KCNT2: variants seen among roughly 807,000 people sequenced by gnomAD.
KCNT2 encodes potassium sodium-activated channel subfamily T member 2.
In KCNT2, 67 loss-of-function variants were observed where a neutral mutation model predicts 153.8. The observed-to-expected ratio is 0.44, with a 90% confidence interval of 0.36 to 0.53. The LOEUF (loss-of-function observed/expected upper bound fraction) is 0.53, where lower values mean the gene tolerates loss of function less well. Among genes scored for constraint, KCNT2 ranks in the 20% least tolerant of loss-of-function variants. The pLI, the probability that KCNT2 is intolerant of heterozygous loss-of-function variation, is 0.00. For missense variants in KCNT2, 975 were observed against 1,354.8 expected, an observed-to-expected ratio of 0.72 and a Z score of 4.40; for synonymous variants, 500 against 458.8, an observed-to-expected ratio of 1.09 and a Z score of -1.15.
At chr1:196,302,802 T>A (rs1191681285) in intron 22 of KCNT2, among the ~76,000 whole-genome samples, 4 of 152,064 alleles carry the variant, frequency 2.6e-5, no homozygotes, top group Non-Finnish European at 5.9e-5. Flanking sequence ...TCTACATTTT[T>A]AAATTTTTAA....
At chr1:196,524,256 T>C (rs975100804) in intron 1 of KCNT2, among the ~76,000 whole-genome samples, 3 of 152,192 alleles carry the variant, frequency 2.0e-5, no homozygotes, top group Non-Finnish European at 2.9e-5. Context: ...GTAAATTCTT[T>C]AGAACTGGAT....
At chr1:196,242,535 C>A (rs145458533) in intron 26 of KCNT2, among the ~76,000 whole-genome samples, 105 of 152,244 alleles carry the variant, frequency 6.9e-4, no homozygotes, top group African/African-American at 2.5e-3. Context: ...TCCAATTTTG[C>A]AGCTCTCCTG....
At chr1:196,467,259 A>G (rs1346675831) in intron 7 of KCNT2, among the ~76,000 whole-genome samples, 1 of 152,112 alleles carries the variant, frequency 6.6e-6, no homozygotes, top group Non-Finnish European at 1.5e-5. Flanking sequence ...TTTTAGTGAC[A>G]TTGAGAAATT....
At chr1:196,232,077 G>C (rs1654005444) in intron 27 of KCNT2, among the ~76,000 whole-genome samples, 1 of 151,708 alleles carries the variant, frequency 6.6e-6, no homozygotes, top group Non-Finnish European at 1.5e-5. Flanking sequence ...AATGAGAAAA[G>C]GCAATCAAAA....
chr1:196,284,811 C>T (rs1306323138), intron 23 of KCNT2, among the ~76,000 whole-genome samples: 1 of 152,042 alleles, frequency 6.6e-6, no homozygotes, highest in Admixed American at 6.6e-5. Flanking sequence ...AAAATTAGCC[C>T]AAAGTTCTGC....
chr1:196,349,494 GA>G (rs1041975309), intron 14 of KCNT2, among the ~76,000 whole-genome samples: 3 of 151,996 alleles, frequency 2.0e-5, no homozygotes, highest in Admixed American at 2.0e-4. Context: ...CTATCTTATA[GA>G]GACATGAAAA....
chr1:196,586,495 T>C (rs1472929007), intron 1 of KCNT2, among the ~76,000 whole-genome samples: 1 of 152,128 alleles, frequency 6.6e-6, no homozygotes, highest in East Asian at 1.9e-4. Flanking sequence ...CATCTCCTGC[T>C]GCTAGAATAA....
intron 14 of KCNT2, among the ~76,000 whole-genome samples, chr1:196,370,858 T>C (rs1156285654): frequency 2.0e-5 from 3 of 152,122 alleles, no homozygotes; most frequent in Non-Finnish European, 4.4e-5. Flanking sequence ...TGGAATATTA[T>C]TCAGTTGTAA....
At chr1:196,243,443 G>A (rs1655138569) in intron 26 of KCNT2, among the ~76,000 whole-genome samples, 1 of 152,284 alleles carries the variant, frequency 6.6e-6, no homozygotes, top group Middle Eastern at 3.4e-3. Context: ...AGGCACTAAG[G>A]AGAGTAGGAA....
At chr1:196,560,690 G>C (rs1319152194) in intron 1 of KCNT2, among the ~76,000 whole-genome samples, 3 of 111,970 alleles carry the variant, frequency 2.7e-5, no homozygotes, top group African/African-American at 7.6e-5. Context: ...ATAATGATAT[G>C]ATGTTTTTTC....
chr1:196,365,674 G>C (rs142096574), intron 14 of KCNT2, among the ~76,000 whole-genome samples: 14 of 152,196 alleles, frequency 9.2e-5, no homozygotes, highest in Non-Finnish European at 1.8e-4. Context: ...TGATGTTTTG[G>C]TATAGGCTTA....
In KCNT2 at chr1:196,292,811, CAAAAAAAA is replaced by C. The variant is rs750026564; in HGVS notation, c.2596-7061_2596-7054del. On this transcript the variant is annotated intron_variant, in intron 22 of 27. Coordinates refer to ENST00000294725, the MANE Select transcript of KCNT2 (RefSeq NM_198503.5). ...TGGGCGACAGAGTGAGACTCTGTCT[CAAAAAAAA>C]AAAAAAAAAAAAAAAGGAAGAAGTT... is the stretch of plus-strand genomic sequence containing the variant. 5.8e-5 allele frequency among the ~76,000 whole-genome samples: 4 copies of C among 69,296 alleles called. No individual in the cohort carries two copies. The East Asian group carries it at 2.0e-3, about 35-fold the overall frequency. The allele number at this position is 69,296 out of a possible 152,430, so 45.5% of individuals were successfully genotyped here. A position where few individuals can be genotyped will look rare whatever the true frequency, so the allele number is the denominator to read the frequency against.
At chr1:196,442,321 GA>G (rs1675306681) in intron 8 of KCNT2, among the ~76,000 whole-genome samples, 1 of 151,818 alleles carries the variant, frequency 6.6e-6, no homozygotes, top group South Asian at 2.1e-4. Flanking sequence ...TTCTTCTCCT[GA>G]AAAATGTGAA....
At position 196,314,643 on chromosome 1, in the gene KCNT2, C is replaced by A. The variant is rs964579972; in HGVS notation, c.2483+1249G>T. Among the ~76,000 whole-genome samples, 3 of 151,556 alleles carry A rather than the reference C, an allele frequency of 2.0e-5. No homozygotes were observed. In the Admixed American group the frequency reaches 2.0e-4, roughly 10 times the overall value. ...ATCTCTAATCTTTACATTAACACTG[C>A]AAGGTCGGTTATTTTCTGCAGCATT... is the stretch of plus-strand genomic sequence containing the variant. On this transcript the variant is annotated intron_variant, in intron 21 of 27. Coordinates refer to ENST00000294725, the MANE Select transcript of KCNT2 (RefSeq NM_198503.5).
chr1:196,513,481 T>A (rs570705898), intron 1 of KCNT2, among the ~76,000 whole-genome samples: 1 of 152,364 alleles, frequency 6.6e-6, no homozygotes, highest in East Asian at 1.9e-4. Context: ...ATATGAATAA[T>A]CTAGCACACT....
intron 26 of KCNT2, among the ~76,000 whole-genome samples, chr1:196,243,019 C>G (rs1045217133): frequency 2.2e-4 from 33 of 152,160 alleles, no homozygotes; most frequent in African/African-American, 8.0e-4. Flanking sequence ...ATTATGATGT[C>G]AAACATTTTC....
intron 21 of KCNT2, among the ~76,000 whole-genome samples, chr1:196,309,614 A>G (rs906748783): frequency 3.3e-5 from 5 of 151,936 alleles, no homozygotes; most frequent in African/African-American, 1.2e-4. Flanking sequence ...TAGAACTAAT[A>G]CTTACATAAT....
intron 8 of KCNT2, among the ~76,000 whole-genome samples, chr1:196,463,143 T>C (rs188068352): frequency 2.0e-5 from 3 of 151,926 alleles, no homozygotes; most frequent in Admixed American, 2.0e-4. Context: ...TTAGACAGAC[T>C]ACCTAGACAT....
intron 1 of KCNT2, among the ~76,000 whole-genome samples, chr1:196,510,351 A>G (rs1681509648): frequency 6.6e-6 from 1 of 152,150 alleles, no homozygotes; most frequent in African/African-American, 2.4e-5. Context: ...GGACTGAGGC[A>G]TTTGCCCAAA....
Sources: allele counts gnomAD v4.1 joint callset (sites outside exome capture counted in the v4.1 genomes callset), GRCh38; gene constraint gnomAD v4.1.1; transcripts MANE v1.5; gene names NCBI Gene and HGNC (gene_info 2026-07-23, HGNC 2026-07-21).